The following DNAH11 variants were observed in gnomAD, a reference collection of about 807,000 sequenced individuals.
DNAH11 encodes the protein dynein axonemal heavy chain 11.
A neutral mutation model predicts 526.0 loss-of-function variants in DNAH11; 442 were observed. The ratio of observed to expected loss-of-function variants is 0.84; its 90% CI spans 0.78 to 0.91. The LOEUF (loss-of-function observed/expected upper bound fraction) is 0.91, where lower values mean the gene tolerates loss of function less well. Among genes scored for constraint, DNAH11 ranks in the 40% least tolerant of loss-of-function variants. DNAH11 has a pLI of 0.00. For missense variants in DNAH11, 6,989 were observed against 5,448.7 expected (o/e 1.28, Z -8.90); for synonymous variants, 2,461 against 1,935.9 (o/e 1.27, Z -7.12).
chr7:21,659,753 A>G (rs1782166438), intron 30 of DNAH11, among the ~76,000 whole-genome samples: 1 of 152,132 alleles, frequency 6.6e-6, no homozygotes, highest in Non-Finnish European at 1.5e-5. Context: ...GTACTGAGTT[A>G]GAATGCTTCC....
At position 21,637,660 on chromosome 7, in the gene DNAH11, G is replaced by C; in HGVS notation, c.4775G>C (p.Cys1592Ser). Residue 1592 changes from cysteine to serine, a missense_variant, in exon 27 of 82, where the codon TGC becomes TCC. Physicochemically the swap from Cys to Ser is moderately radical, Grantham distance 112. Coordinates refer to ENST00000409508, the MANE Select transcript of DNAH11 (RefSeq NM_001277115.2). The part of the protein sequence containing the change: ...AKVENVLEAT[C>S]RPNLYEKLKD... ...GTAGAAAATGTGTTAGAAGCAACGT[G>C]CAGACCTAATCTCTATGAAAAACTT... 1 of 1,586,292 alleles carries C rather than the reference G, an allele frequency of 6.3e-7. No homozygotes were observed. The highest frequency in any genetic ancestry group is 1.3e-5 in the African/African-American group (1 of 74,520).
rs746528555 is a variant in DNAH11, at chr7:21,543,187, G to A, written c.-59G>A. ...CGGAGGTGTCCTCGCTCACTTCGGG[G>A]GGCCCAGAGTCTCGGGTGAGGAGCC... On this transcript the variant is annotated 5_prime_UTR_variant, in exon 1 of 82. Transcript: ENST00000409508. The A allele has an allele frequency of 5.0e-5, 72 of 1,453,582 alleles. No individual in the cohort carries two copies. Among genetic ancestry groups the A allele is most frequent in the Non-Finnish European group, 6.3e-5 (70 of 1,109,456 alleles). The allele number at this position is 1,453,582 out of a possible 1,614,324, so 90.0% of individuals were successfully genotyped here. A position where few individuals can be genotyped will look rare whatever the true frequency, so the allele number is the denominator to read the frequency against.
At chr7:21,887,000 G>T (rs1041283654) in intron 76 of DNAH11, among the ~76,000 whole-genome samples, 1 of 152,120 alleles carries the variant, frequency 6.6e-6, no homozygotes, top group Admixed American at 6.5e-5. Context: ...TCTCATGCAC[G>T]TTTCTCCTGT....
chr7:21,565,336 A>G (rs938509543), intron 6 of DNAH11, among the ~76,000 whole-genome samples: 3 of 152,150 alleles, frequency 2.0e-5, no homozygotes, highest in African/African-American at 7.2e-5. Flanking sequence ...GTTACCTCCT[A>G]AAGACCCTAT....
intron 67 of DNAH11, among the ~76,000 whole-genome samples, chr7:21,853,213 C>T (rs1782710530): frequency 6.6e-6 from 1 of 152,162 alleles, no homozygotes; most frequent in African/African-American, 2.4e-5. Flanking sequence ...GTGATGTGCA[C>T]TTTGGACTTT....
intron 39 of DNAH11, among the ~76,000 whole-genome samples, chr7:21,707,287 A>G (rs995695865): frequency 2.0e-5 from 3 of 152,220 alleles, no homozygotes; most frequent in African/African-American, 7.2e-5. Context: ...GGGCTCAGCA[A>G]TCTGTATTTT....
chr7:21,867,996 T>C lies in DNAH11; in HGVS notation c.11828T>C (p.Leu3943Pro). The C allele has an allele frequency of 6.5e-7, 1 of 1,541,478 alleles. No homozygotes were observed. Among genetic ancestry groups the C allele is most frequent in the Non-Finnish European group, 8.8e-7 (1 of 1,140,810 alleles). Residue 3943 changes from leucine (L) to proline (P), a missense_variant, in exon 72 of 82, where the codon CTG becomes CCG. Physicochemically the swap from Leu to Pro is moderately conservative, Grantham distance 98. Coordinates refer to ENST00000409508, the MANE Select transcript of DNAH11 (RefSeq NM_001277115.2). ...CCGGGGGTAGATGCCCTTAAAGACC[T>C]GGAGATTCTTGGTGAGTGGCTGGGA... Reference protein sequence around the residue: ...LSPGVDALKDLEILGKRLGFT... With the variant: ...LSPGVDALKDPEILGKRLGFT...
At chr7:21,633,774 A>G (rs893785666) in intron 25 of DNAH11, among the ~76,000 whole-genome samples, 2 of 152,198 alleles carry the variant, frequency 1.3e-5, no homozygotes, top group Admixed American at 6.5e-5. Context: ...GGGCCTTAGA[A>G]GATGATGGTG....
intron 28 of DNAH11, among the ~76,000 whole-genome samples, chr7:21,654,622 A>G (rs1781932170): frequency 6.6e-6 from 1 of 152,140 alleles, no homozygotes. Context: ...TTGCTGGATC[A>G]TTGCTAATTC....
chr7:21,808,368 T>G (rs1158879027), intron 63 of DNAH11, among the ~76,000 whole-genome samples: 3 of 152,204 alleles, frequency 2.0e-5, no homozygotes, highest in Non-Finnish European at 4.4e-5. Context: ...CCTGAAACAT[T>G]TATTTTTTCT....
rs1298191688 is a variant in DNAH11, at chr7:21,543,353, G to GGAGGAGGAGGAGAAC, written c.119_133dup (p.Glu40_Glu44dup). On this transcript the variant is annotated inframe_insertion, in exon 1 of 82. Transcript: ENST00000409508. ...AGGCAGTGGGCGCTGTGGAGCTCGA[G>GGAGGAGGAGGAGAAC]GAGGAGGAGGAGAACGAGGAGGAGG... is the stretch of plus-strand genomic sequence containing the variant. The GGAGGAGGAGGAGAAC allele has an allele frequency of 7.6e-6, 10 of 1,307,820 alleles. No individual in the cohort carries two copies. Among genetic ancestry groups the GGAGGAGGAGGAGAAC allele is most frequent in the Middle Eastern group, 2.0e-4 (1 of 5,126 alleles). 81.0% of individuals were successfully genotyped at this position (1,307,820 alleles called of 1,614,324 possible).
intron 76 of DNAH11, among the ~76,000 whole-genome samples, chr7:21,891,585 T>C (rs755112349): frequency 7.2e-5 from 11 of 152,248 alleles, no homozygotes; most frequent in Non-Finnish European, 1.5e-4. Flanking sequence ...TTCTAATGTT[T>C]AGAGGGTTTG....
At chr7:21,642,555 C>T (rs977071967) in intron 28 of DNAH11, among the ~76,000 whole-genome samples, 3 of 152,140 alleles carry the variant, frequency 2.0e-5, no homozygotes, top group Non-Finnish European at 4.4e-5. Context: ...TTTGTGCTAA[C>T]ATTCCTGAAT....
In DNAH11 at chr7:21,643,797, C is replaced by A. The variant is rs552692043; in HGVS notation, c.4944+4732C>A. Among the ~76,000 whole-genome samples the A allele has an allele frequency of 2.6e-5, 4 of 152,176 alleles. No homozygotes were observed. The South Asian group carries it at 8.3e-4, about 32-fold the overall frequency. ...TAAAATACATACCTGGTTTCAAAGA[C>A]TTGCTGCAAATAAAATAATGCAAAA... On this transcript the variant is annotated intron_variant, in intron 28 of 81. Coordinates refer to ENST00000409508, the MANE Select transcript of DNAH11 (RefSeq NM_001277115.2).
chr7:21,826,065 A>G (rs868790826), intron 65 of DNAH11, among the ~76,000 whole-genome samples: 2 of 152,196 alleles, frequency 1.3e-5, no homozygotes, highest in South Asian at 2.1e-4. Context: ...AATGGGCACA[A>G]TGTATATTTT....
intron 14 of DNAH11, among the ~76,000 whole-genome samples, chr7:21,598,470 C>T (rs1369696685): frequency 1.3e-5 from 2 of 152,120 alleles, no homozygotes; most frequent in African/African-American, 2.4e-5. Context: ...TCTTGGGAGA[C>T]ACTAAGGTGC....
At chr7:21,879,916 C>G (rs1322323115) in intron 74 of DNAH11, among the ~76,000 whole-genome samples, 4 of 151,996 alleles carry the variant, frequency 2.6e-5, no homozygotes, top group Admixed American at 2.6e-4. Context: ...AAAAACCCAT[C>G]TCTATTAAAA....
In DNAH11 at chr7:21,713,498, G is replaced by A. The variant is rs78773180; in HGVS notation, c.6983+1638G>A. ...TCTCCATTAAGGTTCTTTCCTTCCAGGTTCTGGCAGTCCTTCGTTCTCTTG... is the reference window on the plus strand; with the variant it reads ...TCTCCATTAAGGTTCTTTCCTTCCAAGTTCTGGCAGTCCTTCGTTCTCTTG... On this transcript the variant is annotated intron_variant, in intron 42 of 81. Transcript: ENST00000409508. 4.4e-3 allele frequency among the ~76,000 whole-genome samples: 667 copies of A among 152,210 alleles called. 5 individuals are homozygous for A. Among genetic ancestry groups the A allele is most frequent in the African/African-American group, 0.015 (624 of 41,514 alleles).
chr7:21,656,068 A>G, intron 29 of DNAH11, 87 bp downstream of exon 29: 1 of 1,414,428 alleles, frequency 7.1e-7, no homozygotes, highest in South Asian at 1.7e-5. Flanking sequence ...AAAAAATTCA[A>G]CCCAGGTCAA....
Sources: gnomAD v4.1 joint callset for allele counts (sites outside exome capture counted in the v4.1 genomes callset) on GRCh38, gnomAD v4.1.1 for gene constraint, MANE v1.5 for transcripts, NCBI Gene and HGNC (gene_info 2026-07-23, HGNC 2026-07-21) for gene names.